Variants in NBAS observed in about 807,000 individuals in gnomAD.
The protein encoded by NBAS is NAG/BC035112 fusion.
A neutral mutation model predicts 302.5 loss-of-function variants in NBAS; 219 were observed. The ratio of observed to expected loss-of-function variants is 0.72; its 90% CI spans 0.65 to 0.81. The LOEUF (loss-of-function observed/expected upper bound fraction) is 0.81. Ranked by LOEUF, NBAS falls within the 30% of genes least tolerant of loss-of-function variation. The pLI, the probability that NBAS is intolerant of heterozygous loss-of-function variation, is 0.00. For synonymous variants in NBAS, 1,118 were observed against 1,021.6 expected, an observed-to-expected ratio of 1.09 and a Z score of -1.80; for missense variants, 2,932 against 2,841.6, an observed-to-expected ratio of 1.03 and a Z score of -0.72.
chr2:14,804,775 G>T, the NBAS span, among the ~76,000 whole-genome samples: 1 of 152,182 alleles, frequency 6.6e-6, no homozygotes, highest in Non-Finnish European at 1.5e-5. Flanking sequence ...TCAGATAGGT[G>T]TATGTAATAA....
At position 15,328,227 on chromosome 2, in the gene NBAS, G is replaced by A. The variant is rs116756598; in HGVS notation, c.4433C>T (p.Ser1478Phe). The A allele has an allele frequency of 2.0e-5, 33 of 1,613,828 alleles. No individual in the cohort carries two copies. In the African/African-American group the frequency reaches 4.3e-4, roughly 21 times the overall value. ...AGCGACAAAAGGATTTGAGATGACA[G>A]ATTCATAAAAAGGATGACACCCTTG... ...EKQGCHPFYESVISNPFVAES... is the reference protein window; with the variant it reads ...EKQGCHPFYEFVISNPFVAES... Residue 1478 changes from serine to phenylalanine, a missense_variant, in exon 37 of 52, where the codon TCT becomes TTT. Transcript: ENST00000281513.
chr2:15,195,755 G>T (rs560938407), intron 48 of NBAS, among the ~76,000 whole-genome samples: 2 of 152,232 alleles, frequency 1.3e-5, no homozygotes, highest in South Asian at 4.1e-4. Flanking sequence ...TGGGTGAGTG[G>T]GCTCAAGCAT....
At chr2:15,554,000 T>A in intron 4 of NBAS, 61 bp downstream of exon 4, 2 of 1,419,136 alleles carry the variant, frequency 1.4e-6, no homozygotes, top group Non-Finnish European at 2.0e-6. Context: ...AAAATTAACG[T>A]CCATAATGAA....
intron 40 of NBAS, among the ~76,000 whole-genome samples, chr2:15,303,762 C>T (rs947693074): frequency 9.9e-5 from 15 of 152,188 alleles, no homozygotes; most frequent in African/African-American, 3.6e-4. Context: ...TACAATTTTC[C>T]TCCAAGAGAA....
At chr2:15,488,581 T>G (rs751549124) in intron 12 of NBAS, among the ~76,000 whole-genome samples, 1 of 152,106 alleles carries the variant, frequency 6.6e-6, no homozygotes, top group Non-Finnish European at 1.5e-5. Context: ...AATATTAACT[T>G]TTGCTGAAAT....
chr2:15,452,200 T>C (rs368773492), intron 21 of NBAS, among the ~76,000 whole-genome samples: 3 of 152,354 alleles, frequency 2.0e-5, no homozygotes, highest in South Asian at 4.1e-4. Context: ...AACGTGAATG[T>C]ACTTAACAAT....
chr2:14,880,173 G>A, the NBAS span, among the ~76,000 whole-genome samples: 2 of 152,086 alleles, frequency 1.3e-5, no homozygotes, highest in Non-Finnish European at 2.9e-5. Context: ...TACAGATGAA[G>A]GAGCCCTTGA....
At chr2:15,011,878 C>A in the NBAS span, among the ~76,000 whole-genome samples, 1 of 152,180 alleles carries the variant, frequency 6.6e-6, no homozygotes, top group Admixed American at 6.5e-5. Context: ...AGCCAATGCA[C>A]CCCATAAAAC....
the NBAS span, among the ~76,000 whole-genome samples, chr2:14,905,624 A>C: frequency 1.8e-4 from 27 of 152,194 alleles, no homozygotes; most frequent in South Asian, 4.2e-4. Flanking sequence ...TGCCTCCTTC[A>C]TGTGTTTTGA....
the NBAS span, among the ~76,000 whole-genome samples, chr2:14,832,134 C>T: frequency 4.7e-3 from 714 of 152,276 alleles, 6 homozygotes; most frequent in African/African-American, 0.016. Context: ...CTTTCCCCCA[C>T]CCTCCACCCT....
At chr2:14,940,361 C>T in the NBAS span, among the ~76,000 whole-genome samples, 13,658 of 152,188 alleles carry the variant, frequency 0.09, 640 homozygotes, top group East Asian at 0.15. Context: ...CCTCCTGCTC[C>T]AGTCATGTGA....
intron 44 of NBAS, among the ~76,000 whole-genome samples, chr2:15,239,204 A>G (rs1245312809): frequency 6.6e-6 from 1 of 152,118 alleles, no homozygotes; most frequent in Non-Finnish European, 1.5e-5. Flanking sequence ...AACATTTTGG[A>G]ATATGTTTGT....
the NBAS span, among the ~76,000 whole-genome samples, chr2:14,982,215 T>C: frequency 6.6e-6 from 1 of 151,840 alleles, no homozygotes; most frequent in Non-Finnish European, 1.5e-5. Context: ...ACCAGCACCA[T>C]CCCCCGGCTG....
chr2:15,126,634 G>A, the NBAS span, among the ~76,000 whole-genome samples: 430 of 152,278 alleles, frequency 2.8e-3, 3 homozygotes, highest in African/African-American at 9.8e-3. Flanking sequence ...AAAGGAGAGT[G>A]GTGGTAATTA....
the NBAS span, among the ~76,000 whole-genome samples, chr2:14,837,143 T>A: frequency 6.6e-6 from 1 of 151,780 alleles, no homozygotes; most frequent in Admixed American, 6.6e-5. Flanking sequence ...TTCTTATAAC[T>A]TTTATTTGTT....
chr2:15,368,722 C>T (rs1674341331), intron 31 of NBAS, among the ~76,000 whole-genome samples: 1 of 152,206 alleles, frequency 6.6e-6, no homozygotes, highest in African/African-American at 2.4e-5. Context: ...TAACATGAGG[C>T]TTGGCCCTGT....
rs533839189 is a variant in NBAS at position 15,354,318 on chromosome 2, TC to T, written c.3932-609del. On this transcript the variant is annotated intron_variant, in intron 33 of 51. Coordinates refer to ENST00000281513, the MANE Select transcript of NBAS (RefSeq NM_015909.4). ...CCCCAACTCCCAGCAGGGATCTTTTTCCTATACATTATACTCTGAATTCTTA... is the reference window on the plus strand; with the variant it reads ...CCCCAACTCCCAGCAGGGATCTTTTTCTATACATTATACTCTGAATTCTTA... 5.3e-4 allele frequency among the ~76,000 whole-genome samples: 81 copies of T among 152,348 alleles called. No individual in the cohort carries two copies. The South Asian group carries it at 0.016, about 30-fold the overall frequency.
At chr2:15,356,688 AC>A (rs1256676429) in intron 32 of NBAS, among the ~76,000 whole-genome samples, 5 of 152,326 alleles carry the variant, frequency 3.3e-5, no homozygotes, top group African/African-American at 1.2e-4. Flanking sequence ...TTGGAACCCT[AC>A]AAAAAAGTCT....
At chr2:15,027,052 A>G in the NBAS span, among the ~76,000 whole-genome samples, 6 of 152,116 alleles carry the variant, frequency 3.9e-5, no homozygotes, top group African/African-American at 1.2e-4. Flanking sequence ...GTTCATTATC[A>G]TACTTCTCAT....
Sources: allele counts gnomAD v4.1 joint callset (sites outside exome capture counted in the v4.1 genomes callset), GRCh38; gene constraint gnomAD v4.1.1; transcripts MANE v1.5; gene names NCBI Gene and HGNC (gene_info 2026-07-23, HGNC 2026-07-21).